GTPBP2: variants seen among roughly 807,000 people sequenced by gnomAD.
GTPBP2 encodes GTP-binding protein 2.
In GTPBP2, 32 loss-of-function variants were observed where a neutral mutation model predicts 63.0. That is an observed-to-expected ratio of 0.51 (90% confidence interval 0.38 to 0.68). The LOEUF (loss-of-function observed/expected upper bound fraction) is 0.68, where lower values mean the gene tolerates loss of function less well. Ranked by LOEUF, GTPBP2 falls within the 30% of genes least tolerant of loss-of-function variation. The pLI is 0.00. For synonymous variants in GTPBP2, 310 were observed against 322.6 expected, an observed-to-expected ratio of 0.96 and a Z score of 0.42; for missense variants, 492 against 796.9, an observed-to-expected ratio of 0.62 and a Z score of 4.61.
Position 43,625,664 on chromosome 6 carries a change from A to T in GTPBP2, c.507+92T>A. On this transcript the variant is annotated intron_variant, in intron 4 of 11. Coordinates refer to ENST00000307126, the MANE Select transcript of GTPBP2 (RefSeq NM_019096.5). This position sits in a 1 kb window ranked among gnomAD's most constrained non-coding sequence, Gnocchi z 5.1. ...CCCTAGGGAGCAAGTGATGAACTGG[A>T]AGCCCCCAGGATCCCAGGCCAGGAG... The T allele has an allele frequency of 1.4e-6, 2 of 1,397,904 alleles. No individual in the cohort carries two copies. The highest frequency in any genetic ancestry group is 2.0e-6 in the Non-Finnish European group (2 of 983,624). 86.6% of individuals were successfully genotyped at this position (1,397,904 alleles called of 1,614,324 possible). A position where few individuals can be genotyped will look rare whatever the true frequency, so the allele number is the denominator to read the frequency against.
At position 43,628,963 on chromosome 6, in the gene GTPBP2, T is replaced by C. The variant is rs1489374968; in HGVS notation, c.186+14A>G. On this transcript the variant is annotated intron_variant, in intron 1 of 11. Transcript: ENST00000307126. ...AGTGGCTTCTTCCCGCCCTACCACT[T>C]CTCAGGTGCTCACCTCGGGGGGCAA... 1 of 1,612,582 alleles carries C rather than the reference T, an allele frequency of 6.2e-7. No homozygotes were observed. Among genetic ancestry groups the C allele is most frequent in the Admixed American group, 1.7e-5 (1 of 59,986 alleles).
chr6:43,625,746 G>A lies in GTPBP2; in HGVS notation c.507+10C>T. ...GTGGACATGAGAGACAGGGATGGGTGTGTGCTCACCTGTTGGTTGTCAGGG... is the reference window on the plus strand; with the variant it reads ...GTGGACATGAGAGACAGGGATGGGTATGTGCTCACCTGTTGGTTGTCAGGG... On this transcript the variant is annotated intron_variant, in intron 4 of 11. Transcript: ENST00000307126. This position sits in a 1 kb window ranked among gnomAD's most constrained non-coding sequence, Gnocchi z 5.1. 6.3e-7 allele frequency: 1 copy of A among 1,584,230 alleles called. No homozygotes were observed. Among genetic ancestry groups the A allele is most frequent in the African/African-American group, 1.3e-5 (1 of 74,494 alleles).
chr6:43,629,252 G>A lies in GTPBP2; in HGVS notation c.-90C>T, dbSNP rs1032041267. ...TTACTGCCACTGCCGTGTCCGGCCGGCCTGAGCAGAGTGGGGTGGGGCTCT... is the reference window on the plus strand; with the variant it reads ...TTACTGCCACTGCCGTGTCCGGCCGACCTGAGCAGAGTGGGGTGGGGCTCT... On this transcript the variant is annotated 5_prime_UTR_variant, in exon 1 of 12. Coordinates refer to ENST00000307126, the MANE Select transcript of GTPBP2 (RefSeq NM_019096.5). 9.9e-7 allele frequency: 1 copy of A among 1,011,974 alleles called. No homozygotes were observed. The highest frequency in any genetic ancestry group is 1.3e-6 in the Non-Finnish European group (1 of 759,240). 62.7% of individuals were successfully genotyped at this position (1,011,974 alleles called of 1,614,324 possible).
chr6:43,629,857 A>G, upstream of GTPBP2: 1 of 1,449,638 alleles, frequency 6.9e-7, no homozygotes, highest in South Asian at 1.3e-5. Flanking sequence ...CTACCTTTAC[A>G]TAGTAGTCAC....
chr6:43,629,479 G>A (rs1582358274), upstream of GTPBP2: 3 of 596,200 alleles, frequency 5.0e-6, no homozygotes, highest in Non-Finnish European at 8.9e-6. Context: ...GGCGCGCAAA[G>A]GCTTAAGGGA....
In GTPBP2 at chr6:43,623,729, C is replaced by CA. The variant is rs1423589475; in HGVS notation, c.1295+7dup. ...TGAGTGGGGAGGGTAGCAAGCAAGACAATTTACCTGGAAAGTGTTCCTCCA... is the reference window on the plus strand; with the variant it reads ...TGAGTGGGGAGGGTAGCAAGCAAGACAAATTTACCTGGAAAGTGTTCCTCCA... On this transcript the variant is annotated splice_region_variant and intron_variant, in intron 9 of 11. Coordinates refer to ENST00000307126, the MANE Select transcript of GTPBP2 (RefSeq NM_019096.5). The CA allele has an allele frequency of 6.2e-7, 1 of 1,606,220 alleles. No individual in the cohort carries two copies. Among genetic ancestry groups the CA allele is most frequent in the Non-Finnish European group, 8.5e-7 (1 of 1,172,844 alleles).
rs756968780 is a variant in GTPBP2 at position 43,628,979 on chromosome 6, C to CG, written c.183dup (p.Glu62ArgfsTer3). 1 of 1,613,602 alleles carries CG rather than the reference C, an allele frequency of 6.2e-7. No individual in the cohort carries two copies. The highest frequency in any genetic ancestry group is 8.5e-7 in the Non-Finnish European group (1 of 1,179,606). ...CCTACCACTTCTCAGGTGCTCACCT[C>CG]GGGGGGCAAATACGGGGGGTTGTTG... On this transcript the variant is annotated frameshift_variant, in exon 1 of 12. Coordinates refer to ENST00000307126, the MANE Select transcript of GTPBP2 (RefSeq NM_019096.5). LOFTEE classifies it high-confidence loss of function.
rs975996846 is a variant in GTPBP2 at position 43,621,414 on chromosome 6, G to A, written c.*200C>T. 1 of 1,537,760 alleles carries A rather than the reference G, an allele frequency of 6.5e-7. No individual in the cohort carries two copies. Among genetic ancestry groups the A allele is most frequent in the Non-Finnish European group, 8.8e-7 (1 of 1,138,752 alleles). On this transcript the variant is annotated 3_prime_UTR_variant, in exon 12 of 12. Transcript: ENST00000307126. ...GCTTCGGAGCACTGCCCTGAATCCT[G>A]TCTTCTCCCTCAGGACTGCCCTTTC...
chr6:43,622,235 C>G lies in GTPBP2; in HGVS notation c.1468-68G>C, dbSNP rs902592145. On this transcript the variant is annotated intron_variant, in intron 10 of 11. Coordinates refer to ENST00000307126, the MANE Select transcript of GTPBP2 (RefSeq NM_019096.5). This position sits in a 1 kb window ranked among gnomAD's most constrained non-coding sequence, Gnocchi z 5.4. Reference sequence around the variant, plus strand: ...CATCAGACTCTCCCTCCCCAGCCACCCCACACCCTTTATAGCTCCTGAATT... The same window carrying G: ...CATCAGACTCTCCCTCCCCAGCCACGCCACACCCTTTATAGCTCCTGAATT... The G allele has an allele frequency of 1.5e-6, 2 of 1,360,950 alleles. No individual in the cohort carries two copies. The highest frequency in any genetic ancestry group is 1.4e-5 in the African/African-American group (1 of 70,116). The allele number at this position is 1,360,950 out of a possible 1,614,324, so 84.3% of individuals were successfully genotyped here. A position where few individuals can be genotyped will look rare whatever the true frequency, so the allele number is the denominator to read the frequency against.
At position 43,629,215 on chromosome 6, in the gene GTPBP2, T is replaced by TCGCCGCCGC; in HGVS notation, c.-62_-54dup. 2 of 1,192,916 alleles carry TCGCCGCCGC rather than the reference T, an allele frequency of 1.7e-6. No homozygotes were observed. Among genetic ancestry groups the TCGCCGCCGC allele is most frequent in the Non-Finnish European group, 2.1e-6 (2 of 940,718 alleles). 73.9% of individuals were successfully genotyped at this position (1,192,916 alleles called of 1,614,324 possible). A position where few individuals can be genotyped will look rare whatever the true frequency, so the allele number is the denominator to read the frequency against. ...GCCCCTCCCCCGACCGCCGCCGCCGTCGCCGCCGCCCTTACTGCCACTGCC... is the reference window on the plus strand; with the variant it reads ...GCCCCTCCCCCGACCGCCGCCGCCGTCGCCGCCGCCGCCGCCGCCCTTACTGCCACTGCC... On this transcript the variant is annotated 5_prime_UTR_variant, in exon 1 of 12. Coordinates refer to ENST00000307126, the MANE Select transcript of GTPBP2 (RefSeq NM_019096.5).
chr6:43,624,404 G>T lies in GTPBP2; in HGVS notation c.1100+106C>A. ...CAAGCTGAAACACCCGCAGAACTAA[G>T]CCAGAACTGGTCTGGCCCTGGAGAA... On this transcript the variant is annotated intron_variant, in intron 7 of 11. Transcript: ENST00000307126. This position sits in a 1 kb window ranked among gnomAD's most constrained non-coding sequence, Gnocchi z 5.1. 1 of 848,874 alleles carries T rather than the reference G, an allele frequency of 1.2e-6. No individual in the cohort carries two copies. The highest frequency in any genetic ancestry group is 1.9e-6 in the Non-Finnish European group (1 of 524,580). The allele number at this position is 848,874 out of a possible 1,614,324, so 52.6% of individuals were successfully genotyped here.
intron 9 of GTPBP2, chr6:43,623,065 CAA>C: frequency 4.2e-6 from 2 of 472,032 alleles, no homozygotes; most frequent in Non-Finnish European, 7.6e-6. Context: ...ACTGAAGGAG[CAA>C]GTTATCCCCT....
chr6:43,621,686 G>T lies in GTPBP2; in HGVS notation c.1737C>A (p.Thr579=), dbSNP rs1361232717. The T allele has an allele frequency of 6.2e-7, 1 of 1,614,202 alleles. No homozygotes were observed. Among genetic ancestry groups the T allele is most frequent in the Admixed American group, 1.7e-5 (1 of 60,020 alleles). ...CATCAGTGACATGGCCGATGCCCTT[G>T]GTGACACCCTCCCGGAACAGCAGTT... ...GAKLLFREGV[T]KGIGHVTDVQ... is the part of the protein sequence containing the mutation. Residue 579 remains threonine, a synonymous_variant, in exon 12 of 12, where the codon ACC becomes ACA. Coordinates refer to ENST00000307126, the MANE Select transcript of GTPBP2 (RefSeq NM_019096.5).
In GTPBP2 at chr6:43,626,335, G is replaced by C; in HGVS notation, c.289C>G (p.Arg97Gly). The change falls in exon 3 of 12, where the codon CGT becomes GGT. Residue 97 changes from arginine to glycine, a missense_variant. Arg to Gly is a moderately radical substitution (Grantham distance 125). Coordinates refer to ENST00000307126, the MANE Select transcript of GTPBP2 (RefSeq NM_019096.5). The surrounding 1 kb of genome is among the most constrained non-coding windows in gnomAD (Gnocchi z 4.0). ...CCAATCTGGTAGACGGCCTCACCAC[G>C]TCCCTCCTGGAGCCGCCACTTCATT... is the stretch of plus-strand genomic sequence containing the variant. Reference protein sequence around the residue: ...TQMKWRLQEGRGEAVYQIGVE... With the variant: ...TQMKWRLQEGGGEAVYQIGVE... The C allele has an allele frequency of 6.2e-7, 1 of 1,614,068 alleles. No individual in the cohort carries two copies. The highest frequency in any genetic ancestry group is 8.5e-7 in the Non-Finnish European group (1 of 1,179,950).
upstream of GTPBP2, among the ~76,000 whole-genome samples, chr6:43,630,908 CAAAAAA>C (rs753239311): frequency 3.7e-5 from 2 of 53,608 alleles, no homozygotes; most frequent in African/African-American, 1.4e-4. Flanking sequence ...GACTTCGTCT[CAAAAAA>C]AAAAAAAAAA....
chr6:43,627,553 G>A (rs370969580), intron 1 of GTPBP2, among the ~76,000 whole-genome samples: 55 of 152,280 alleles, frequency 3.6e-4, no homozygotes, highest in African/African-American at 1.3e-3. Context: ...GTAATGAAGC[G>A]GACAGACTCG....
rs1003023092 is a variant in GTPBP2, at chr6:43,621,519, A to G, written c.*95T>C. 1.9e-6 allele frequency: 3 copies of G among 1,594,188 alleles called. No homozygotes were observed. The highest frequency in any genetic ancestry group is 1.3e-5 in the African/African-American group (1 of 74,596). On this transcript the variant is annotated 3_prime_UTR_variant, in exon 12 of 12. Transcript: ENST00000307126. ...GACAGCACCCCTCTCTCCCTAGCCT[A>G]TTAACACACAGAGCCGCCAATGGCA...
upstream of GTPBP2, chr6:43,629,725 C>T (rs1176626112): frequency 6.4e-7 from 1 of 1,551,302 alleles, no homozygotes; most frequent in Admixed American, 2.0e-5. Context: ...CTGCTGGCTC[C>T]GCCTCTGCCT....
rs996754504 is a variant in GTPBP2, at chr6:43,620,609, G to C, written c.*1005C>G. 4.6e-5 allele frequency: 7 copies of C among 153,596 alleles called. No individual in the cohort carries two copies. Among genetic ancestry groups the C allele is most frequent in the African/African-American group, 1.7e-4 (7 of 41,320 alleles). 9.5% of individuals were successfully genotyped at this position (153,596 alleles called of 1,614,324 possible). ...AGCCAACAAATCCCTGAGTCCATGGGAACCCAGGACACTAACAAAGGGAAA... is the reference window on the plus strand; with the variant it reads ...AGCCAACAAATCCCTGAGTCCATGGCAACCCAGGACACTAACAAAGGGAAA... On this transcript the variant is annotated 3_prime_UTR_variant, in exon 12 of 12. Coordinates refer to ENST00000307126, the MANE Select transcript of GTPBP2 (RefSeq NM_019096.5).
Sources: gnomAD v4.1 joint callset for allele counts (sites outside exome capture counted in the v4.1 genomes callset) on GRCh38, gnomAD v4.1.1 for gene constraint, Gnocchi (gnomAD v3.1) non-coding constraint, MANE v1.5 for transcripts, NCBI Gene and HGNC (gene_info 2026-07-23, HGNC 2026-07-21) for gene names.